Variants in SFT2D2 observed in about 807,000 individuals in gnomAD.
The protein encoded by SFT2D2 is vesicle transport protein SFT2B.
In SFT2D2, 21 loss-of-function variants were observed where a neutral mutation model predicts 27.4. The ratio of observed to expected loss-of-function variants is 0.77; its 90% CI spans 0.54 to 1.10. The LOEUF (loss-of-function observed/expected upper bound fraction) is 1.10. Among genes scored for constraint, SFT2D2 ranks in the 50% least tolerant of loss-of-function variants. The pLI is 0.00. For missense variants in SFT2D2, 187 were observed against 194.2 expected (o/e 0.96, Z 0.22); for synonymous variants, 72 against 71.7 (o/e 1.00, Z -0.02).
At chr1:168,226,260 TCTC>T (rs958817716) in intron 1 of SFT2D2, 118 bp downstream of exon 1, 136 of 816,348 alleles carry the variant, frequency 1.7e-4, no homozygotes, top group South Asian at 3.5e-4. Flanking sequence ...CTCTGCCCCT[TCTC>T]CTCCTCTTCT....
In SFT2D2 at chr1:168,236,819, G is replaced by GTT. The variant is rs1362478750; in HGVS notation, c.413+50_413+51insTT. The GTT allele has an allele frequency of 7.6e-6, 12 of 1,579,148 alleles. No individual in the cohort carries two copies. The African/African-American group carries it at 1.5e-4, about 20-fold the overall frequency. Reference sequence around the variant, plus strand: ...CCTCCCACATAGCCCACTGAATAATGTAGCCAAAGGAGATAAAACTCACAT... The same window carrying GTT: ...CCTCCCACATAGCCCACTGAATAATGTTTAGCCAAAGGAGATAAAACTCACAT... On this transcript the variant is annotated intron_variant, in intron 6 of 7. Transcript: ENST00000271375.
At chr1:168,242,443 A>G (rs1647675139) in intron 7 of SFT2D2, 58 bp from the exon 8 acceptor site, 2 of 1,607,682 alleles carry the variant, frequency 1.2e-6, no homozygotes, top group South Asian at 2.2e-5. Context: ...GGTGCCCTCT[A>G]AAGGAGTGCC....
Position 168,249,038 on chromosome 1 carries a change from A to G in SFT2D2, c.*6498A>G, listed in dbSNP as rs1647893241. 6.6e-6 allele frequency: 1 copy of G among 151,600 alleles called. No homozygotes were observed. The highest frequency in any genetic ancestry group is 2.1e-4 in the South Asian group (1 of 4,752). The allele number at this position is 151,600 out of a possible 1,614,324, so 9.4% of individuals were successfully genotyped here. ...ATTTTGTTGATCTTTTCAAAAAACC[A>G]GCTCCTGGATTCATTGTTTTTTTCG... On this transcript the variant is annotated 3_prime_UTR_variant, in exon 8 of 8. Transcript: ENST00000271375.
rs1302703772 is a variant in SFT2D2 at position 168,245,052 on chromosome 1, A to G, written c.*2512A>G. 6.6e-6 allele frequency: 1 copy of G among 152,200 alleles called. No individual in the cohort carries two copies. Among genetic ancestry groups the G allele is most frequent in the Non-Finnish European group, 1.5e-5 (1 of 68,034 alleles). 9.4% of individuals were successfully genotyped at this position (152,200 alleles called of 1,614,324 possible). A position where few individuals can be genotyped will look rare whatever the true frequency, so the allele number is the denominator to read the frequency against. ...AGAGATGTCAACTCTTACCACTTCT[A>G]TTCAACGTTGTACTGAAAATTCTAG... On this transcript the variant is annotated 3_prime_UTR_variant, in exon 8 of 8. Coordinates refer to ENST00000271375, the MANE Select transcript of SFT2D2 (RefSeq NM_199344.3).
chr1:168,235,468 G>A (rs956193311), intron 4 of SFT2D2, among the ~76,000 whole-genome samples: 1 of 152,196 alleles, frequency 6.6e-6, no homozygotes, highest in South Asian at 2.1e-4. Context: ...GGTAGTAAGG[G>A]AGCTCAGACA....
At position 168,243,603 on chromosome 1, in the gene SFT2D2, G is replaced by A. The variant is rs1159135524; in HGVS notation, c.*1063G>A. ...CAGCCTGATGCCTAACCTACAAAGT[G>A]CTTTTGTGTCCACGATCTTACCTGG... On this transcript the variant is annotated 3_prime_UTR_variant, in exon 8 of 8. Coordinates refer to ENST00000271375, the MANE Select transcript of SFT2D2 (RefSeq NM_199344.3). The A allele has an allele frequency of 6.6e-6, 1 of 152,412 alleles. No homozygotes were observed. Among genetic ancestry groups the A allele is most frequent in the African/African-American group, 2.4e-5 (1 of 41,446 alleles). The allele number at this position is 152,412 out of a possible 1,614,324, so 9.4% of individuals were successfully genotyped here. A position where few individuals can be genotyped will look rare whatever the true frequency, so the allele number is the denominator to read the frequency against.
chr1:168,228,176 CA>C (rs1276278474), intron 1 of SFT2D2, among the ~76,000 whole-genome samples: 1 of 152,234 alleles, frequency 6.6e-6, no homozygotes, highest in African/African-American at 2.4e-5. Context: ...CGACTAACTT[CA>C]TCTTGCAGGC....
chr1:168,232,054 C>T (rs1647336044), intron 3 of SFT2D2, 135 bp downstream of exon 3: 1 of 674,140 alleles, frequency 1.5e-6, no homozygotes, highest in African/African-American at 1.8e-5. Flanking sequence ...GAATATCTCA[C>T]ATTCATATCT....
At position 168,240,086 on chromosome 1, in the gene SFT2D2, A is replaced by G. The variant is rs150358443; in HGVS notation, c.443+926A>G. 1.1e-3 allele frequency among the ~76,000 whole-genome samples: 168 copies of G among 151,386 alleles called. No individual in the cohort carries two copies. The Middle Eastern group carries it at 0.014, about 12-fold the overall frequency. ...GCTACTTGGGAGGCTGAGGCAGGAGAATGGCGTGAACCCAGGAGGCGGAGC... is the reference window on the plus strand; with the variant it reads ...GCTACTTGGGAGGCTGAGGCAGGAGGATGGCGTGAACCCAGGAGGCGGAGC... On this transcript the variant is annotated intron_variant, in intron 7 of 7. Transcript: ENST00000271375.
At position 168,239,457 on chromosome 1, in the gene SFT2D2, GTTTT is replaced by G. The variant is rs34187475; in HGVS notation, c.443+314_443+317del. ...CTTTTAACCCGTAGCTTTGAGTAGG[GTTTT>G]TTTTTTTTTTTTTTTTATAAAGGTG... On this transcript the variant is annotated intron_variant, in intron 7 of 7. Transcript: ENST00000271375. 3.1e-3 allele frequency among the ~76,000 whole-genome samples: 395 copies of G among 129,490 alleles called. 2 individuals carry two copies. Among genetic ancestry groups the G allele is most frequent in the African/African-American group, 0.011 (378 of 34,828 alleles). The allele number at this position is 129,490 out of a possible 152,430, so 85.0% of individuals were successfully genotyped here. A position where few individuals can be genotyped will look rare whatever the true frequency, so the allele number is the denominator to read the frequency against.
chr1:168,239,671 G>A (rs1647593088), intron 7 of SFT2D2, among the ~76,000 whole-genome samples: 1 of 152,014 alleles, frequency 6.6e-6, no homozygotes, highest in Non-Finnish European at 1.5e-5. Context: ...GCATCGATAA[G>A]TAGACTGAGT....
intron 1 of SFT2D2, among the ~76,000 whole-genome samples, chr1:168,227,804 T>A (rs754317220): frequency 8.5e-5 from 13 of 152,176 alleles, no homozygotes; most frequent in Non-Finnish European, 1.6e-4. Context: ...TTTCTCTCCC[T>A]GCAGACTCTT....
intron 7 of SFT2D2, among the ~76,000 whole-genome samples, chr1:168,241,205 CTTTT>C (rs11387591): frequency 1.4e-3 from 143 of 100,154 alleles, no homozygotes; most frequent in Non-Finnish European, 2.3e-3. Flanking sequence ...CCCTTCTATT[CTTTT>C]TTTTTTTTTT....
At chr1:168,233,300 A>T (rs1647379089) in intron 3 of SFT2D2, among the ~76,000 whole-genome samples, 1 of 152,110 alleles carries the variant, frequency 6.6e-6, no homozygotes, top group Admixed American at 6.5e-5. Flanking sequence ...CTCTTCTATG[A>T]AGCTTTTCCT....
Position 168,246,354 on chromosome 1 carries a change from A to G in SFT2D2, c.*3814A>G. The G allele has an allele frequency of 2.0e-6, 1 of 497,538 alleles. No homozygotes were observed. Among genetic ancestry groups the G allele is most frequent in the South Asian group, 2.0e-5 (1 of 48,832 alleles). The allele number at this position is 497,538 out of a possible 1,614,324, so 30.8% of individuals were successfully genotyped here. ...CATATTTTGTCTTCGTAGTTGACAT[A>G]ATCTTACTTGCTTTTCTGTGCATTT... On this transcript the variant is annotated 3_prime_UTR_variant, in exon 8 of 8. Coordinates refer to ENST00000271375, the MANE Select transcript of SFT2D2 (RefSeq NM_199344.3).
At position 168,250,787 on chromosome 1, in the gene SFT2D2, C is replaced by T. The variant is rs750709951; in HGVS notation, c.*8247C>T. On this transcript the variant is annotated 3_prime_UTR_variant, in exon 8 of 8. Coordinates refer to ENST00000271375, the MANE Select transcript of SFT2D2 (RefSeq NM_199344.3). ...CGGAGCCTTCAGTTCTGCTCCTCTGCATAGCCGTAGCTCAGATCCTAGCTC... is the reference window on the plus strand; with the variant it reads ...CGGAGCCTTCAGTTCTGCTCCTCTGTATAGCCGTAGCTCAGATCCTAGCTC... The T allele has an allele frequency of 4.6e-5, 7 of 152,222 alleles. No homozygotes were observed. The highest frequency in any genetic ancestry group is 8.8e-5 in the Non-Finnish European group (6 of 68,076). The allele number at this position is 152,222 out of a possible 1,614,324, so 9.4% of individuals were successfully genotyped here. A position where few individuals can be genotyped will look rare whatever the true frequency, so the allele number is the denominator to read the frequency against.
At chr1:168,228,731 C>A (rs1164376365) in intron 1 of SFT2D2, among the ~76,000 whole-genome samples, 1 of 152,156 alleles carries the variant, frequency 6.6e-6, no homozygotes. Flanking sequence ...TTGGCAAGAG[C>A]CCCTCTTCTC....
chr1:168,229,245 A>T (rs765680140), intron 1 of SFT2D2, among the ~76,000 whole-genome samples: 1 of 152,286 alleles, frequency 6.6e-6, no homozygotes, highest in Admixed American at 6.5e-5. Flanking sequence ...GACTGAGCGG[A>T]GTCTCGCTCT....
rs1181844286 is a variant in SFT2D2, at chr1:168,243,617, G to A, written c.*1077G>A. 2.0e-5 allele frequency: 3 copies of A among 152,308 alleles called. No homozygotes were observed. The highest frequency in any genetic ancestry group is 2.9e-5 in the Non-Finnish European group (2 of 68,144). The allele number at this position is 152,308 out of a possible 1,614,324, so 9.4% of individuals were successfully genotyped here. A position where few individuals can be genotyped will look rare whatever the true frequency, so the allele number is the denominator to read the frequency against. Reference sequence around the variant, plus strand: ...ACCTACAAAGTGCTTTTGTGTCCACGATCTTACCTGGTTCTTATGGAGAGC... The same window carrying A: ...ACCTACAAAGTGCTTTTGTGTCCACAATCTTACCTGGTTCTTATGGAGAGC... On this transcript the variant is annotated 3_prime_UTR_variant, in exon 8 of 8. Transcript: ENST00000271375.
Sources: allele counts gnomAD v4.1 joint callset (sites outside exome capture counted in the v4.1 genomes callset), GRCh38; gene constraint gnomAD v4.1.1; transcripts MANE v1.5; gene names NCBI Gene and HGNC (gene_info 2026-07-23, HGNC 2026-07-21).